The following MYO16 variants were observed in gnomAD, a reference collection of about 807,000 sequenced individuals.
MYO16 encodes the protein myosin XVI, also known as unconventional myosin-XVI.
A neutral mutation model predicts 205.3 loss-of-function variants in MYO16; 94 were observed. That is an observed-to-expected ratio of 0.46 (90% CI 0.39 to 0.54). The LOEUF is 0.54. MYO16 is among the 20% of genes least tolerant of loss of function. The pLI is 0.00. For missense variants in MYO16, 2,315 were observed against 2,387.5 expected, an observed-to-expected ratio of 0.97 and a Z score of 0.63; for synonymous variants, 988 against 954.0, an observed-to-expected ratio of 1.04 and a Z score of -0.66.
At chr13:108,835,775 C>T (rs1178852864) in intron 9 of MYO16, among the ~76,000 whole-genome samples, 1 of 152,130 alleles carries the variant, frequency 6.6e-6, no homozygotes, top group Non-Finnish European at 1.5e-5. Context: ...AAACTGGCAG[C>T]ATTTTGCCAC....
intron 4 of MYO16, among the ~76,000 whole-genome samples, chr13:108,750,088 C>T (rs1419036522): frequency 6.6e-6 from 1 of 152,076 alleles, no homozygotes; most frequent in East Asian, 1.9e-4. Context: ...CAGTGTTTGC[C>T]AGGGATTTGG....
At chr13:109,057,453 A>G (rs1207198266) in intron 27 of MYO16, among the ~76,000 whole-genome samples, 1 of 152,182 alleles carries the variant, frequency 6.6e-6, no homozygotes, top group African/African-American at 2.4e-5. Flanking sequence ...GAATAACTAC[A>G]AAGTTGGGCT....
intron 3 of MYO16, among the ~76,000 whole-genome samples, chr13:108,717,324 T>A (rs896556137): frequency 6.6e-6 from 1 of 151,558 alleles, no homozygotes; most frequent in Non-Finnish European, 1.5e-5. Flanking sequence ...GTGGAATTCA[T>A]GTAGCTGTTA....
the MYO16 span, among the ~76,000 whole-genome samples, chr13:108,578,639 T>C: frequency 3.3e-5 from 5 of 152,198 alleles, no homozygotes; most frequent in African/African-American, 1.2e-4. Flanking sequence ...TCTTCCCCAC[T>C]GGGATGTCTG....
intron 15 of MYO16, among the ~76,000 whole-genome samples, chr13:108,900,034 G>A (rs1176040119): frequency 6.6e-6 from 1 of 152,208 alleles, no homozygotes; most frequent in African/African-American, 2.4e-5. Flanking sequence ...CATCTGGGGT[G>A]TCACCAGCAT....
rs1259401571 is a variant in MYO16 at position 109,141,006 on chromosome 13, C to A, written c.4794C>A (p.Pro1598=). 1.7e-5 allele frequency: 22 copies of A among 1,321,568 alleles called. No homozygotes were observed. Among genetic ancestry groups the A allele is most frequent in the Non-Finnish European group, 1.9e-5 (20 of 1,037,964 alleles). 81.9% of individuals were successfully genotyped at this position (1,321,568 alleles called of 1,614,324 possible). A position where few individuals can be genotyped will look rare whatever the true frequency, so the allele number is the denominator to read the frequency against. Residue 1598 remains proline, a synonymous_variant, in exon 32 of 35, where the codon CCC becomes CCA. Coordinates refer to ENST00000457511, the MANE Select transcript of MYO16 (RefSeq NM_001198950.3). This position sits in a 1 kb window ranked among gnomAD's most constrained non-coding sequence, Gnocchi z 4.1. ...CCCCGCCGTCCACGCCGCCCCCGCCCCCGCCCCCGCCCGGGCCGCCCCCCG... is the reference window on the plus strand; with the variant it reads ...CCCCGCCGTCCACGCCGCCCCCGCCACCGCCCCCGCCCGGGCCGCCCCCCG... The part of the protein sequence containing the change: ...RASPPSTPPP[P]PPPPGPPPAP...
chr13:108,765,761 A>G (rs751060238), intron 4 of MYO16, among the ~76,000 whole-genome samples: 10 of 152,122 alleles, frequency 6.6e-5, no homozygotes, highest in Admixed American at 2.0e-4. Context: ...CTACTCACTT[A>G]GGATTATTCC....
At chr13:108,858,134 T>G (rs2139107295) in intron 11 of MYO16, among the ~76,000 whole-genome samples, 1 of 152,306 alleles carries the variant, frequency 6.6e-6, no homozygotes, top group South Asian at 2.1e-4. Flanking sequence ...TATGAATATT[T>G]TATGACCAGT....
At chr13:108,789,366 T>C (rs1886548809) in intron 5 of MYO16, among the ~76,000 whole-genome samples, 1 of 152,166 alleles carries the variant, frequency 6.6e-6, no homozygotes, top group Non-Finnish European at 1.5e-5. Context: ...ATTACTACAG[T>C]AGCTTCCAAA....
In MYO16 at chr13:108,855,418, G is replaced by T. The variant is rs377220186; in HGVS notation, c.1249-25G>T. The T allele has an allele frequency of 7.7e-6, 11 of 1,422,396 alleles. No individual in the cohort carries two copies. In the African/African-American group the frequency reaches 1.5e-4, roughly 20 times the overall value. The allele number at this position is 1,422,396 out of a possible 1,614,324, so 88.1% of individuals were successfully genotyped here. A position where few individuals can be genotyped will look rare whatever the true frequency, so the allele number is the denominator to read the frequency against. On this transcript the variant is annotated intron_variant, in intron 10 of 34. Transcript: ENST00000457511. The stretch of plus-strand genomic sequence containing the variant: ...AGTTGATTGGAAAGCAATTAGAATT[G>T]ATCATACTTTCGGTTCTTCCCCAGG...
In MYO16 at chr13:108,866,487, A is replaced by G. The variant is rs1271840226; in HGVS notation, c.1425+245A>G. ...TTGTTTATGACTATAGCCATTAGAC[A>G]GACTTCTAAAATTAAATAATATGTA... On this transcript the variant is annotated intron_variant, in intron 12 of 34. Transcript: ENST00000457511. Among the ~76,000 whole-genome samples the G allele has an allele frequency of 2.6e-5, 4 of 152,236 alleles. No individual in the cohort carries two copies. In the East Asian group the frequency reaches 7.7e-4, roughly 29 times the overall value.
At chr13:108,995,426 A>G (rs1884969953) in intron 21 of MYO16, among the ~76,000 whole-genome samples, 1 of 152,160 alleles carries the variant, frequency 6.6e-6, no homozygotes, top group Admixed American at 6.6e-5. Flanking sequence ...AATCATTTCT[A>G]TTCAAAAGTA....
chr13:108,637,244 G>A (rs559244131), intron 1 of MYO16, among the ~76,000 whole-genome samples: 14 of 152,092 alleles, frequency 9.2e-5, no homozygotes, highest in Admixed American at 3.9e-4. Flanking sequence ...CCGTGTTGAC[G>A]TTGCATTATT....
chr13:108,694,185 C>T (rs1883003781), intron 2 of MYO16, among the ~76,000 whole-genome samples: 1 of 152,110 alleles, frequency 6.6e-6, no homozygotes, highest in South Asian at 2.1e-4. Context: ...CTTTTTCTCC[C>T]CAACCTCACT....
intron 34 of MYO16, among the ~76,000 whole-genome samples, chr13:109,192,928 C>T (rs1879986888): frequency 6.6e-6 from 1 of 152,190 alleles, no homozygotes; most frequent in Admixed American, 6.5e-5. Flanking sequence ...TAGGCATTAA[C>T]ATTTATAGCA....
At chr13:108,749,955 A>T (rs1279244718) in intron 4 of MYO16, among the ~76,000 whole-genome samples, 1 of 152,224 alleles carries the variant, frequency 6.6e-6, no homozygotes, top group African/African-American at 2.4e-5. Context: ...ATAAAACAGG[A>T]CTGGCTAACA....
At chr13:108,696,015 C>T (rs1883077726) in intron 2 of MYO16, among the ~76,000 whole-genome samples, 1 of 152,184 alleles carries the variant, frequency 6.6e-6, no homozygotes, top group Non-Finnish European at 1.5e-5. Flanking sequence ...GTTAAAGACA[C>T]AGAGTGGTTT....
At chr13:108,842,424 AC>A (rs1237523125) in intron 9 of MYO16, among the ~76,000 whole-genome samples, 1 of 152,036 alleles carries the variant, frequency 6.6e-6, no homozygotes, top group Non-Finnish European at 1.5e-5. Context: ...GTAAAAAAAA[AC>A]CTCTAAGTTT....
chr13:108,982,692 A>G (rs1884485806), intron 20 of MYO16, among the ~76,000 whole-genome samples: 3 of 152,162 alleles, frequency 2.0e-5, no homozygotes, highest in African/African-American at 7.2e-5. Flanking sequence ...TTAAACATTT[A>G]TGTCTTGTGA....
Sources: gnomAD v4.1 joint callset for allele counts (sites outside exome capture counted in the v4.1 genomes callset) on GRCh38, gnomAD v4.1.1 for gene constraint, Gnocchi (gnomAD v3.1) non-coding constraint, MANE v1.5 for transcripts, NCBI Gene and HGNC (gene_info 2026-07-23, HGNC 2026-07-21) for gene names.